The following SYNGR1 variants were observed in gnomAD, a reference collection of about 807,000 sequenced individuals.
SYNGR1 encodes the protein synaptogyrin 1.
Under a neutral mutation model 26.1 loss-of-function variants are expected in SYNGR1, and 14 were observed. The observed-to-expected ratio is 0.54, with a 90% CI of 0.35 to 0.84. The LOEUF (loss-of-function observed/expected upper bound fraction) is 0.84, where lower values mean the gene tolerates loss of function less well. Among genes scored for constraint, SYNGR1 ranks in the 40% least tolerant of loss-of-function variants. SYNGR1 has a pLI of 0.01. For synonymous variants in SYNGR1, 141 were observed against 150.1 expected, an observed-to-expected ratio of 0.94 and a Z score of 0.44; for missense variants, 319 against 332.9, an observed-to-expected ratio of 0.96 and a Z score of 0.33.
chr22:39,372,607 G>T (rs1925081148), intron 1 of SYNGR1, among the ~76,000 whole-genome samples: 1 of 151,710 alleles, frequency 6.6e-6, no homozygotes, highest in South Asian at 2.1e-4. Flanking sequence ...GTTGCTGGAT[G>T]ACAGGCATGT....
At chr22:39,357,095 TA>T (rs1924177926) in intron 1 of SYNGR1, among the ~76,000 whole-genome samples, 2 of 152,124 alleles carry the variant, frequency 1.3e-5, no homozygotes, top group Admixed American at 1.3e-4. Flanking sequence ...CTGCCTTTAC[TA>T]AAAATACACA....
chr22:39,377,956 A>G, intron 3 of SYNGR1: 1 of 1,294,600 alleles, frequency 7.7e-7, no homozygotes, highest in Non-Finnish European at 9.9e-7. Flanking sequence ...CCTTGGCTCC[A>G]GGAGCCCACA....
At chr22:39,377,696 C>G (rs1437123142) in intron 3 of SYNGR1, 1 of 1,613,132 alleles carries the variant, frequency 6.2e-7, no homozygotes, top group Admixed American at 1.7e-5. Flanking sequence ...CGTAGGCCTC[C>G]CCGGCTTGCA....
At chr22:39,358,497 C>T (rs1351813244) in intron 1 of SYNGR1, among the ~76,000 whole-genome samples, 1 of 152,176 alleles carries the variant, frequency 6.6e-6, no homozygotes, top group Non-Finnish European at 1.5e-5. Flanking sequence ...ACACTCACCG[C>T]GAAGGTCTGC....
At chr22:39,358,523 G>T (rs532435852) in intron 1 of SYNGR1, among the ~76,000 whole-genome samples, 33 of 152,144 alleles carry the variant, frequency 2.2e-4, no homozygotes, top group Admixed American at 3.9e-4. Context: ...CATTCCTGAA[G>T]CCAGCGAGAC....
At position 39,385,412 on chromosome 22, in the gene SYNGR1, CCA is replaced by C. The variant is rs1925632368; in HGVS notation, c.*3499_*3500del. ...GTGTGTGTGCGGTGAAGGGCGGTCC[CCA>C]TCCTGGGCCCCCACTCTAGACCCCC... On this transcript the variant is annotated 3_prime_UTR_variant, in exon 4 of 4. Coordinates refer to ENST00000328933, the MANE Select transcript of SYNGR1 (RefSeq NM_004711.5). 6.5e-6 allele frequency: 1 copy of C among 152,748 alleles called. No homozygotes were observed. The highest frequency in any genetic ancestry group is 2.4e-5 in the African/African-American group (1 of 41,388). 9.5% of individuals were successfully genotyped at this position (152,748 alleles called of 1,614,324 possible). A position where few individuals can be genotyped will look rare whatever the true frequency, so the allele number is the denominator to read the frequency against.
At chr22:39,377,834 A>G (rs1418772813) in intron 3 of SYNGR1, 149 of 1,520,494 alleles carry the variant, frequency 9.8e-5, no homozygotes, top group Non-Finnish European at 1.3e-4. Context: ...CAGGTTCTCC[A>G]CTGACTCATT....
chr22:39,363,192 C>T (rs1284204930), intron 1 of SYNGR1, among the ~76,000 whole-genome samples: 1 of 151,732 alleles, frequency 6.6e-6, no homozygotes, highest in Non-Finnish European at 1.5e-5. Flanking sequence ...TGTTGGGGAG[C>T]TTCAGAGGAA....
In SYNGR1 at chr22:39,377,784, G is replaced by T; in HGVS notation, c.483+1587G>T. On this transcript the variant is annotated intron_variant, in intron 3 of 3. Coordinates refer to ENST00000328933, the MANE Select transcript of SYNGR1 (RefSeq NM_004711.5). ...GTGCCAGAAATGTCCAAGATGCCAG[G>T]GCATGCAGGGCAGTGGAAGGCTGGC... 7.1e-6 allele frequency: 11 copies of T among 1,550,072 alleles called. No individual in the cohort carries two copies. In the Middle Eastern group the frequency reaches 5.0e-4, roughly 71 times the overall value.
rs1360031382 is a variant in SYNGR1, at chr22:39,384,300, G to C, written c.*2386G>C. 1 of 387,210 alleles carries C rather than the reference G, an allele frequency of 2.6e-6. No individual in the cohort carries two copies. Among genetic ancestry groups the C allele is most frequent in the African/African-American group, 2.1e-5 (1 of 48,410 alleles). The allele number at this position is 387,210 out of a possible 1,614,324, so 24.0% of individuals were successfully genotyped here. ...AGCCGGAGGGCAGGGTACCAGGTAA[G>C]CTTAACTCCATCTTGGGTGTTTGTG... On this transcript the variant is annotated 3_prime_UTR_variant, in exon 4 of 4. Transcript: ENST00000328933.
chr22:39,369,158 A>C (rs1924905042), intron 1 of SYNGR1, among the ~76,000 whole-genome samples: 1 of 152,194 alleles, frequency 6.6e-6, no homozygotes, highest in Non-Finnish European at 1.5e-5. Context: ...GGTGACATCC[A>C]GGACTGGGCC....
chr22:39,377,502 AC>A, intron 3 of SYNGR1: 1 of 1,551,524 alleles, frequency 6.4e-7, no homozygotes, highest in Non-Finnish European at 8.7e-7. Flanking sequence ...GAAGTACCTG[AC>A]CAACAGGTGC....
chr22:39,361,742 C>T (rs1924480575), intron 1 of SYNGR1, among the ~76,000 whole-genome samples: 1 of 152,058 alleles, frequency 6.6e-6, no homozygotes, highest in Non-Finnish European at 1.5e-5. Flanking sequence ...GCGCCTACCC[C>T]AGGAGTCTCG....
At chr22:39,372,596 A>C (rs1249789563) in intron 1 of SYNGR1, among the ~76,000 whole-genome samples, 1 of 151,364 alleles carries the variant, frequency 6.6e-6, no homozygotes. Context: ...CAGCCTCCCA[A>C]GTTGCTGGAT....
In SYNGR1 at chr22:39,384,279, G is replaced by A. The variant is rs191145232; in HGVS notation, c.*2365G>A. The A allele has an allele frequency of 1.4e-4, 51 of 370,402 alleles. No homozygotes were observed. The highest frequency in any genetic ancestry group is 6.8e-4 in the Middle Eastern group (1 of 1,468). The allele number at this position is 370,402 out of a possible 1,614,324, so 22.9% of individuals were successfully genotyped here. ...AGCCAGCTGCTGGTGATCCTCAGCC[G>A]GAGGGCAGGGTACCAGGTAAGCTTA... On this transcript the variant is annotated 3_prime_UTR_variant, in exon 4 of 4. Coordinates refer to ENST00000328933, the MANE Select transcript of SYNGR1 (RefSeq NM_004711.5).
chr22:39,367,628 G>A (rs1924824746), intron 1 of SYNGR1, among the ~76,000 whole-genome samples: 1 of 152,092 alleles, frequency 6.6e-6, no homozygotes, highest in African/African-American at 2.4e-5. Context: ...TTCAAGACCA[G>A]CCTGGCCAAC....
At chr22:39,367,194 T>C (rs1924801350) in intron 1 of SYNGR1, among the ~76,000 whole-genome samples, 1 of 152,218 alleles carries the variant, frequency 6.6e-6, no homozygotes, top group Admixed American at 6.5e-5. Context: ...CCCAACTGTG[T>C]CCTCAGCCTC....
At chr22:39,357,309 T>G (rs1221816478) in intron 1 of SYNGR1, among the ~76,000 whole-genome samples, 1 of 151,370 alleles carries the variant, frequency 6.6e-6, no homozygotes, top group East Asian at 1.9e-4. Context: ...TCATGCTTTG[T>G]AGGAGCCTGC....
At chr22:39,367,945 G>A (rs899371040) in intron 1 of SYNGR1, among the ~76,000 whole-genome samples, 2 of 151,770 alleles carry the variant, frequency 1.3e-5, no homozygotes, top group Non-Finnish European at 2.9e-5. Context: ...CCACCTCATC[G>A]TACAAAACCT....
Sources: allele counts gnomAD v4.1 joint callset (sites outside exome capture counted in the v4.1 genomes callset), GRCh38; gene constraint gnomAD v4.1.1; transcripts MANE v1.5; gene names NCBI Gene and HGNC (gene_info 2026-07-23, HGNC 2026-07-21).